AGBL4: variants seen among roughly 807,000 people sequenced by gnomAD.
AGBL4 encodes AGBL carboxypeptidase 4.
A neutral mutation model predicts 66.4 loss-of-function variants in AGBL4; 58 were observed. The observed-to-expected ratio is 0.87, with a 90% CI of 0.71 to 1.09. AGBL4 has a LOEUF of 1.09. Among genes scored for constraint, AGBL4 ranks in the 50% least tolerant of loss-of-function variants. The pLI, the probability that AGBL4 is intolerant of heterozygous loss-of-function variation, is 0.00. For missense variants in AGBL4, 579 were observed against 631.0 expected (o/e 0.92, Z 0.88); for synonymous variants, 234 against 222.9 (o/e 1.05, Z -0.44).
At chr1:48,636,238 G>A (rs1482535154) in intron 8 of AGBL4, among the ~76,000 whole-genome samples, 2 of 152,114 alleles carry the variant, frequency 1.3e-5, no homozygotes, top group Non-Finnish European at 2.9e-5. Flanking sequence ...AAAGAAAAAA[G>A]GAACATCACC....
At chr1:49,155,462 T>C (rs957891696) in intron 4 of AGBL4, among the ~76,000 whole-genome samples, 1 of 152,196 alleles carries the variant, frequency 6.6e-6, no homozygotes, top group African/African-American at 2.4e-5. Context: ...GGGCTATTTT[T>C]ATCTCATTCC....
At chr1:49,530,969 A>C (rs566793066) in intron 3 of AGBL4, among the ~76,000 whole-genome samples, 1 of 152,224 alleles carries the variant, frequency 6.6e-6, no homozygotes, top group South Asian at 2.1e-4. Context: ...GATTAGATGA[A>C]ATAGTATATG....
intron 3 of AGBL4, among the ~76,000 whole-genome samples, chr1:49,475,158 T>C (rs986506909): frequency 1.3e-5 from 2 of 152,082 alleles, no homozygotes; most frequent in African/African-American, 4.8e-5. Flanking sequence ...GCATGTTGGA[T>C]GTTATCGCAT....
intron 5 of AGBL4, among the ~76,000 whole-genome samples, chr1:49,015,816 A>AT (rs1662778174): frequency 6.6e-6 from 1 of 151,926 alleles, no homozygotes. Context: ...TATTTCATTT[A>AT]TTTTTTTCGT....
In AGBL4 at chr1:49,762,561, T is replaced by C. The variant is rs113736384; in HGVS notation, c.158-65124A>G. On this transcript the variant is annotated intron_variant, in intron 2 of 13. Coordinates refer to ENST00000371839, the MANE Select transcript of AGBL4 (RefSeq NM_032785.4). ...CTGAGTAGCTGGGACTACAGGCGCC[T>C]GCCACCATGCCCAGCTAATTTTTTG... Among the ~76,000 whole-genome samples, 272 of 152,062 alleles carry C rather than the reference T, an allele frequency of 1.8e-3. 3 individuals are homozygous for C. The highest frequency in any genetic ancestry group is 6.1e-3 in the African/African-American group (254 of 41,504).
At chr1:49,833,893 G>T (rs999788364) in intron 2 of AGBL4, among the ~76,000 whole-genome samples, 1 of 152,132 alleles carries the variant, frequency 6.6e-6, no homozygotes, top group African/African-American at 2.4e-5. Context: ...GAGATTTTGG[G>T]CTGAGACAAT....
At chr1:49,937,109 G>C (rs1363903230) in intron 1 of AGBL4, among the ~76,000 whole-genome samples, 1 of 152,036 alleles carries the variant, frequency 6.6e-6, no homozygotes, top group Non-Finnish European at 1.5e-5. Flanking sequence ...CATGTGCAGA[G>C]ACACACATAG....
At chr1:49,011,426 G>C (rs1389980186) in intron 5 of AGBL4, among the ~76,000 whole-genome samples, 1 of 152,208 alleles carries the variant, frequency 6.6e-6, no homozygotes, top group Non-Finnish European at 1.5e-5. Context: ...CTTTTACACT[G>C]TTGGTGGGAC....
At chr1:49,032,729 T>C (rs925801452) in intron 5 of AGBL4, among the ~76,000 whole-genome samples, 2 of 152,160 alleles carry the variant, frequency 1.3e-5, no homozygotes, top group African/African-American at 4.8e-5. Context: ...TGGGACATGC[T>C]GATAGTTTGA....
intron 6 of AGBL4, among the ~76,000 whole-genome samples, chr1:48,800,124 G>A (rs1227098833): frequency 6.6e-6 from 1 of 152,096 alleles, no homozygotes; most frequent in Non-Finnish European, 1.5e-5. Context: ...AATCCATCTG[G>A]TCCTGGACAT....
At chr1:49,952,554 A>C (rs1656251497) in intron 1 of AGBL4, among the ~76,000 whole-genome samples, 1 of 151,952 alleles carries the variant, frequency 6.6e-6, no homozygotes, top group South Asian at 2.1e-4. Flanking sequence ...AAATTAAGAA[A>C]TTGAACAAAA....
At chr1:49,096,989 C>A (rs913360922) in intron 4 of AGBL4, among the ~76,000 whole-genome samples, 3 of 152,130 alleles carry the variant, frequency 2.0e-5, no homozygotes, top group African/African-American at 7.2e-5. Context: ...AAAAGACTCT[C>A]CCCTGGAGAA....
intron 6 of AGBL4, among the ~76,000 whole-genome samples, chr1:48,782,877 A>T (rs1645329805): frequency 6.6e-6 from 1 of 152,226 alleles, no homozygotes; most frequent in Admixed American, 6.5e-5. Context: ...GGTATCATAC[A>T]GACTAACTTC....
At chr1:48,766,141 CAG>C (rs1343676594) in intron 6 of AGBL4, among the ~76,000 whole-genome samples, 4 of 152,188 alleles carry the variant, frequency 2.6e-5, no homozygotes, top group Non-Finnish European at 5.9e-5. Flanking sequence ...TACTACATGT[CAG>C]ATACCTCTAT....
At chr1:49,737,814 C>G (rs955379705) in intron 2 of AGBL4, among the ~76,000 whole-genome samples, 2 of 152,118 alleles carry the variant, frequency 1.3e-5, no homozygotes, top group Non-Finnish European at 2.9e-5. Flanking sequence ...CAAAACTTAC[C>G]ATCAAAACTT....
chr1:49,566,408 T>A (rs1644206419), intron 3 of AGBL4, among the ~76,000 whole-genome samples: 1 of 152,180 alleles, frequency 6.6e-6, no homozygotes, highest in Admixed American at 6.5e-5. Flanking sequence ...TCTGCTCTGT[T>A]TTTTCCCCAT....
chr1:49,153,414 A>G (rs1646375268), intron 4 of AGBL4, among the ~76,000 whole-genome samples: 1 of 152,172 alleles, frequency 6.6e-6, no homozygotes, highest in African/African-American at 2.4e-5. Flanking sequence ...ATTTAAACAC[A>G]CAATATATCC....
chr1:49,231,441 T>C (rs1434719394), intron 4 of AGBL4, among the ~76,000 whole-genome samples: 2 of 152,182 alleles, frequency 1.3e-5, no homozygotes, highest in African/African-American at 4.8e-5. Context: ...TTCTTCAATC[T>C]TGGAGACCCT....
chr1:49,456,386 C>T (rs1170839393), intron 3 of AGBL4, among the ~76,000 whole-genome samples: 1 of 151,680 alleles, frequency 6.6e-6, no homozygotes, highest in African/African-American at 2.4e-5. Flanking sequence ...GCCCTCTGGC[C>T]ATCCATTTCT....
Sources: allele counts gnomAD v4.1 joint callset (sites outside exome capture counted in the v4.1 genomes callset), GRCh38; gene constraint gnomAD v4.1.1; transcripts MANE v1.5; gene names NCBI Gene and HGNC (gene_info 2026-07-23, HGNC 2026-07-21).